ADGRF3: variants seen among roughly 807,000 people sequenced by gnomAD.
ADGRF3 encodes the protein G protein-coupled receptor 113.
ADGRF3 carries 85 observed loss-of-function variants against 93.2 expected under a neutral mutation model. That is an observed-to-expected ratio of 0.91 (90% CI 0.77 to 1.09). The LOEUF (loss-of-function observed/expected upper bound fraction) is 1.09. Ranked by LOEUF, ADGRF3 falls within the 50% of genes least tolerant of loss-of-function variation. The pLI, the probability that ADGRF3 is intolerant of heterozygous loss-of-function variation, is 0.00. For synonymous variants in ADGRF3, 534 were observed against 532.5 expected, an observed-to-expected ratio of 1.00 and a Z score of -0.04; for missense variants, 1,125 against 1,246.2, an observed-to-expected ratio of 0.90 and a Z score of 1.46.
At chr2:26,322,585 A>G (rs1675213448) in intron 1 of ADGRF3, among the ~76,000 whole-genome samples, 1 of 152,186 alleles carries the variant, frequency 6.6e-6, no homozygotes, top group African/African-American at 2.4e-5. Context: ...TTGCATGTAC[A>G]GAGATATCTA....
chr2:26,345,835 A>G (rs1676697438), intron 1 of ADGRF3: 1 of 425,318 alleles, frequency 2.4e-6, no homozygotes, highest in African/African-American at 2.1e-5. Flanking sequence ...ACCGGGAGCA[A>G]AGCCCGCTGG....
At position 26,346,395 on chromosome 2, in the gene ADGRF3, G is replaced by A; in HGVS notation, c.-161C>T. 7.5e-7 allele frequency: 1 copy of A among 1,331,028 alleles called. No individual in the cohort carries two copies. Among genetic ancestry groups the A allele is most frequent in the Non-Finnish European group, 9.8e-7 (1 of 1,016,444 alleles). The allele number at this position is 1,331,028 out of a possible 1,614,324, so 82.5% of individuals were successfully genotyped here. On this transcript the variant is annotated 5_prime_UTR_variant, in exon 1 of 14. Coordinates refer to ENST00000651242, the MANE Select transcript of ADGRF3 (RefSeq NM_001321971.2). Reference sequence around the variant, plus strand: ...GTCACCTTGTGCCGCGTGGCTCCGGGCGGGCTGGCGGGCGTTCCTCCGGAG... The same window carrying A: ...GTCACCTTGTGCCGCGTGGCTCCGGACGGGCTGGCGGGCGTTCCTCCGGAG...
At chr2:26,333,449 C>T (rs1382641179) in intron 1 of ADGRF3, among the ~76,000 whole-genome samples, 1 of 566 alleles carries the variant, frequency 1.8e-3, no homozygotes, top group Non-Finnish European at 0.028. Context: ...AGTTCCTAGC[C>T]TCTAATCACG....
At chr2:26,314,294 G>T in intron 6 of ADGRF3, 120 bp downstream of exon 6, 1 of 913,374 alleles carries the variant, frequency 1.1e-6, no homozygotes, top group Non-Finnish European at 1.6e-6. Context: ...TGTTGGCCTT[G>T]GACCCCACTC....
chr2:26,319,618 T>TTCCTTC (rs1558391141), intron 1 of ADGRF3, among the ~76,000 whole-genome samples: 175 of 48,664 alleles, frequency 3.6e-3, no homozygotes, highest in African/African-American at 7.0e-3. Context: ...TTCCTTCCTT[T>TTCCTTC]CTTTCTTTGT....
At chr2:26,322,116 C>G (rs572799930) in intron 1 of ADGRF3, among the ~76,000 whole-genome samples, 40 of 151,586 alleles carry the variant, frequency 2.6e-4, no homozygotes, top group African/African-American at 9.4e-4. Context: ...AACCCCATCT[C>G]TACTAAAATA....
rs759038869 is a variant in ADGRF3, at chr2:26,311,258, T to G, written c.2266A>C (p.Thr756Pro). ...AGGAATGGGGCGCCCAGGAAGCAAGTGTCTGCGGCCAGCAAGCAGAACACC... is the reference window on the plus strand; with the variant it reads ...AGGAATGGGGCGCCCAGGAAGCAAGGGTCTGCGGCCAGCAAGCAGAACACC... ...NMVFCLLAADTCFLGAPFLSP... is the reference protein window; with the variant it reads ...NMVFCLLAADPCFLGAPFLSP... Residue 756 changes from threonine (T) to proline (P), a missense_variant, in exon 10 of 14, where the codon ACT becomes CCT. Physicochemically the swap from Thr to Pro is conservative, Grantham distance 38. Transcript: ENST00000651242. 6.2e-7 allele frequency: 1 copy of G among 1,612,672 alleles called. No homozygotes were observed. The highest frequency in any genetic ancestry group is 1.3e-5 in the African/African-American group (1 of 75,002).
rs1346992216 is a variant in ADGRF3, at chr2:26,346,481, C to A, written c.-247G>T. On this transcript the variant is annotated 5_prime_UTR_variant, in exon 1 of 14. Coordinates refer to ENST00000651242, the MANE Select transcript of ADGRF3 (RefSeq NM_001321971.2). ...GTGGGAGCATCCTAAGCCCGCCGCC[C>A]GTAGTCGGCACCCCCCGGGAGATTT... The A allele has an allele frequency of 2.3e-5, 13 of 576,752 alleles. No individual in the cohort carries two copies. The highest frequency in any genetic ancestry group is 2.8e-5 in the Non-Finnish European group (10 of 352,638). The allele number at this position is 576,752 out of a possible 1,614,324, so 35.7% of individuals were successfully genotyped here. A position where few individuals can be genotyped will look rare whatever the true frequency, so the allele number is the denominator to read the frequency against.
intron 1 of ADGRF3, among the ~76,000 whole-genome samples, chr2:26,329,285 C>A (rs562423143): frequency 1.3e-5 from 2 of 152,136 alleles, no homozygotes; most frequent in Non-Finnish European, 2.9e-5. Context: ...TGTGTCATCA[C>A]GCTTGGCTAA....
In ADGRF3 at chr2:26,311,088, G is replaced by A; in HGVS notation, c.2436C>T (p.His812=). 6.2e-7 allele frequency: 1 copy of A among 1,603,946 alleles called. No homozygotes were observed. The highest frequency in any genetic ancestry group is 8.5e-7 in the Non-Finnish European group (1 of 1,175,466). The change falls in exon 10 of 14, where the codon CAC becomes CAT. Residue 812 remains histidine (H), a synonymous_variant. Transcript: ENST00000651242. ...LLFVFHQLAK[H]RVLPLMVLLG... ...GGAGCACCATGAGGGGGAGAACTCGGTGCTTTGCCAGCTGGTGAAAGACAA... is the reference window on the plus strand; with the variant it reads ...GGAGCACCATGAGGGGGAGAACTCGATGCTTTGCCAGCTGGTGAAAGACAA...
intron 1 of ADGRF3, among the ~76,000 whole-genome samples, chr2:26,344,978 GA>G (rs1210364837): frequency 6.6e-6 from 1 of 152,156 alleles, no homozygotes; most frequent in Non-Finnish European, 1.5e-5. Flanking sequence ...GTTGTTAAAC[GA>G]ATGAACATAA....
In ADGRF3 at chr2:26,310,070, G is replaced by A; in HGVS notation, c.2910C>T (p.Ala970=). Residue 970 remains alanine (A), a synonymous_variant, in exon 12 of 14, where the codon GCC becomes GCT. Coordinates refer to ENST00000651242, the MANE Select transcript of ADGRF3 (RefSeq NM_001321971.2). ...QEALRKRFCR[A]QAPSSTISLA... is the part of the protein sequence containing the mutation. ...GGGAGATGGTGGAGCTGGGGGCTTG[G>A]GCGCGGCAGAAGCGTTTGCGCAAAG... The A allele has an allele frequency of 6.2e-7, 1 of 1,614,030 alleles. No individual in the cohort carries two copies. Among genetic ancestry groups the A allele is most frequent in the Non-Finnish European group, 8.5e-7 (1 of 1,179,900 alleles).
At chr2:26,309,976 A>T (rs1673909759) in intron 12 of ADGRF3, 67 bp downstream of exon 12, 1 of 1,614,008 alleles carries the variant, frequency 6.2e-7, no homozygotes, top group East Asian at 2.2e-5. Flanking sequence ...TCCTCTGAGG[A>T]GGGCCATGGA....
intron 1 of ADGRF3, among the ~76,000 whole-genome samples, chr2:26,334,364 C>A (rs888512667): frequency 4.0e-5 from 6 of 151,376 alleles, no homozygotes; most frequent in Non-Finnish European, 8.8e-5. Context: ...GGTTTTTGAG[C>A]TATTTTCTTA....
chr2:26,315,723 G>A lies in ADGRF3; in HGVS notation c.517C>T (p.Leu173=). The A allele has an allele frequency of 1.3e-6, 2 of 1,551,458 alleles. 1 individual carries two copies. Among genetic ancestry groups the A allele is most frequent in the South Asian group, 2.4e-5 (2 of 84,030 alleles). ...LLPPVPGILN[L]NSQLQMPGDT... ...CCAGGCATCTGCAGCTGGGAGTTCA[G>A]GTTGAGGATCCCGGGGACTGCAGGG... The change falls in exon 5 of 14, where the codon CTG becomes TTG. Residue 173 remains leucine (L), a synonymous_variant. Transcript: ENST00000651242.
chr2:26,318,844 C>T lies in ADGRF3; in HGVS notation c.115-1282G>A, dbSNP rs762728851. 3.8e-5 allele frequency: 57 copies of T among 1,481,572 alleles called. No homozygotes were observed. The East Asian group carries it at 8.3e-4, about 21-fold the overall frequency. The allele number at this position is 1,481,572 out of a possible 1,614,324, so 91.8% of individuals were successfully genotyped here. A position where few individuals can be genotyped will look rare whatever the true frequency, so the allele number is the denominator to read the frequency against. The stretch of plus-strand genomic sequence containing the variant: ...CATCCACTTTCCTTACACATTACTT[C>T]CTCTCCCCTCAGCCCTTTCCCCACT... On this transcript the variant is annotated intron_variant, in intron 1 of 13. Transcript: ENST00000651242.
intron 1 of ADGRF3, among the ~76,000 whole-genome samples, chr2:26,330,566 G>A (rs1425774880): frequency 6.6e-6 from 1 of 152,122 alleles, no homozygotes; most frequent in African/African-American, 2.4e-5. Flanking sequence ...CCCTCCCTCA[G>A]AGTTCTCGGC....
At chr2:26,336,394 G>C (rs758805878) in intron 1 of ADGRF3, among the ~76,000 whole-genome samples, 4 of 151,534 alleles carry the variant, frequency 2.6e-5, no homozygotes, top group Non-Finnish European at 5.9e-5. Flanking sequence ...TGGAAGGAAG[G>C]GTCGGAGAGA....
At chr2:26,319,332 C>G (rs1166299563) in intron 1 of ADGRF3, among the ~76,000 whole-genome samples, 1 of 152,160 alleles carries the variant, frequency 6.6e-6, no homozygotes, top group Non-Finnish European at 1.5e-5. Context: ...AAGTCACAAC[C>G]AGCAACATGT....
Sources: gnomAD v4.1 joint callset for allele counts (sites outside exome capture counted in the v4.1 genomes callset) on GRCh38, gnomAD v4.1.1 for gene constraint, MANE v1.5 for transcripts, NCBI Gene and HGNC (gene_info 2026-07-23, HGNC 2026-07-21) for gene names.